The following MRAS variants were observed in gnomAD, a reference collection of about 807,000 sequenced individuals.
MRAS encodes ras-related protein M-Ras.
A neutral mutation model predicts 20.9 loss-of-function variants in MRAS; 4 were observed. The ratio of observed to expected loss-of-function variants is 0.19; its 90% CI spans 0.09 to 0.44. The LOEUF is 0.44. Among genes scored for constraint, MRAS ranks in the 20% least tolerant of loss-of-function variants. MRAS has a pLI of 0.99. For missense variants in MRAS, 154 were observed against 277.5 expected (o/e 0.56, Z 3.16); for synonymous variants, 98 against 102.9 (o/e 0.95, Z 0.29).
chr3:138,355,022 C>T (rs573808803), intron 1 of MRAS, among the ~76,000 whole-genome samples: 6 of 152,180 alleles, frequency 3.9e-5, no homozygotes, highest in East Asian at 3.9e-4. Context: ...TGGTGTCAAG[C>T]GATCCTCCCA....
At chr3:138,361,421 C>T (rs1360448801) in intron 1 of MRAS, among the ~76,000 whole-genome samples, 2 of 152,106 alleles carry the variant, frequency 1.3e-5, no homozygotes, top group East Asian at 1.9e-4. Flanking sequence ...TTGCTCAGGC[C>T]GGGGGCAGAC....
chr3:138,399,398 C>T (rs1483666280), intron 4 of MRAS, among the ~76,000 whole-genome samples: 1 of 152,166 alleles, frequency 6.6e-6, no homozygotes, highest in Non-Finnish European at 1.5e-5. Flanking sequence ...GCCTTTTGTG[C>T]TCTGCGCTTT....
chr3:138,355,308 G>A (rs1290850998), intron 1 of MRAS, among the ~76,000 whole-genome samples: 1 of 152,158 alleles, frequency 6.6e-6, no homozygotes, highest in Non-Finnish European at 1.5e-5. Context: ...ACGACAGGAC[G>A]CAGCTTCTCA....
At chr3:138,397,225 A>G in intron 2 of MRAS, 99 bp from the exon 3 acceptor site, 1 of 1,435,372 alleles carries the variant, frequency 7.0e-7, no homozygotes, top group Non-Finnish European at 9.5e-7. Context: ...GGACTGGGCC[A>G]CGGTAGGGAC....
Position 138,403,036 on chromosome 3 carries a change from A to C in MRAS, c.*767A>C, listed in dbSNP as rs986156992. ...GTTGGGGATGCAAATATTAGAAAAC[A>C]GATTGTATTTTGCTGAGGGGAGTGG... On this transcript the variant is annotated 3_prime_UTR_variant, in exon 6 of 6. Coordinates refer to ENST00000423968, the MANE Select transcript of MRAS (RefSeq NM_001085049.3). 2 of 152,326 alleles carry C rather than the reference A, an allele frequency of 1.3e-5. No homozygotes were observed. Among genetic ancestry groups the C allele is most frequent in the Non-Finnish European group, 2.9e-5 (2 of 68,048 alleles). 9.4% of individuals were successfully genotyped at this position (152,326 alleles called of 1,614,324 possible). A position where few individuals can be genotyped will look rare whatever the true frequency, so the allele number is the denominator to read the frequency against.
chr3:138,353,500 CATT>C (rs1366862479), intron 1 of MRAS, among the ~76,000 whole-genome samples: 1 of 152,200 alleles, frequency 6.6e-6, no homozygotes, highest in Admixed American at 6.5e-5. Flanking sequence ...CGGATTCTCT[CATT>C]GTTGGGAAGT....
At chr3:138,358,025 G>C (rs998781018) in intron 1 of MRAS, among the ~76,000 whole-genome samples, 1 of 152,206 alleles carries the variant, frequency 6.6e-6, no homozygotes, top group Non-Finnish European at 1.5e-5. Context: ...AGACTAGGCT[G>C]TGGGCTGCCC....
chr3:138,365,722 G>C (rs950777496), intron 1 of MRAS, among the ~76,000 whole-genome samples: 2 of 152,218 alleles, frequency 1.3e-5, no homozygotes, highest in Non-Finnish European at 2.9e-5. Flanking sequence ...AAAGGTAGTA[G>C]TTAGATCTGG....
rs746323198 is a variant in MRAS at position 138,372,856 on chromosome 3, G to T, written c.-18-10G>T. 3 of 1,495,550 alleles carry T rather than the reference G, an allele frequency of 2.0e-6. No individual in the cohort carries two copies. Among genetic ancestry groups the T allele is most frequent in the Non-Finnish European group, 1.8e-6 (2 of 1,130,118 alleles). The allele number at this position is 1,495,550 out of a possible 1,614,324, so 92.6% of individuals were successfully genotyped here. On this transcript the variant is annotated splice_polypyrimidine_tract_variant and intron_variant, in intron 1 of 5. Coordinates refer to ENST00000423968, the MANE Select transcript of MRAS (RefSeq NM_001085049.3). ...CCCTCTGTCTCATTCCACATGTCTT[G>T]CTGCCGCAGGTCTGACCTACGAGAA...
chr3:138,363,544 T>A (rs2054494573), intron 1 of MRAS, among the ~76,000 whole-genome samples: 1 of 152,148 alleles, frequency 6.6e-6, no homozygotes, highest in Non-Finnish European at 1.5e-5. Flanking sequence ...ATACACACTG[T>A]GAGCCCCACA....
chr3:138,360,153 C>T (rs575046074), intron 1 of MRAS, among the ~76,000 whole-genome samples: 55 of 152,330 alleles, frequency 3.6e-4, no homozygotes, highest in African/African-American at 1.3e-3. Flanking sequence ...GGCACGTGCA[C>T]GTGACTTTGG....
At chr3:138,388,516 T>G (rs1051905713) in intron 2 of MRAS, among the ~76,000 whole-genome samples, 1 of 152,050 alleles carries the variant, frequency 6.6e-6, no homozygotes, top group African/African-American at 2.4e-5. Flanking sequence ...CTGGCTAATA[T>G]GGCAAAACCC....
intron 1 of MRAS, among the ~76,000 whole-genome samples, chr3:138,366,740 G>C (rs371828560): frequency 1.6e-3 from 245 of 152,368 alleles, no homozygotes; most frequent in Middle Eastern, 0.01. Context: ...CATCTAACCA[G>C]TCCACAGCAG....
intron 1 of MRAS, among the ~76,000 whole-genome samples, chr3:138,361,024 T>A (rs1315964633): frequency 6.6e-6 from 1 of 152,190 alleles, no homozygotes; most frequent in Non-Finnish European, 1.5e-5. Flanking sequence ...TGCCTCTTGG[T>A]GAAGCGTCTT....
intron 2 of MRAS, among the ~76,000 whole-genome samples, chr3:138,396,765 A>G (rs1399768270): frequency 1.3e-5 from 2 of 152,054 alleles, no homozygotes; most frequent in African/African-American, 4.8e-5. Flanking sequence ...TCTCCTTGGT[A>G]TCTGTCCCCT....
rs986642107 is a variant in MRAS at position 138,358,276 on chromosome 3, G to A, written c.-19+9509G>A. ...CGCTTGAATCCAGGAGGCAGAGTCT[G>A]CACTGAGCCAAGATTGTGCCATTGC... is the stretch of plus-strand genomic sequence containing the variant. On this transcript the variant is annotated intron_variant, in intron 1 of 5. Coordinates refer to ENST00000423968, the MANE Select transcript of MRAS (RefSeq NM_001085049.3). Among the ~76,000 whole-genome samples the A allele has an allele frequency of 6.6e-5, 10 of 151,748 alleles. No individual in the cohort carries two copies. The East Asian group carries it at 9.7e-4, about 15-fold the overall frequency.
chr3:138,370,915 G>A (rs960972275), intron 1 of MRAS, among the ~76,000 whole-genome samples: 49 of 152,132 alleles, frequency 3.2e-4, no homozygotes, highest in Non-Finnish European at 3.5e-4. Flanking sequence ...TTTGCAGCCT[G>A]TCTTTTTTTC....
intron 1 of MRAS, among the ~76,000 whole-genome samples, chr3:138,357,864 C>T (rs949952333): frequency 3.3e-5 from 5 of 152,204 alleles, no homozygotes; most frequent in African/African-American, 4.8e-5. Context: ...CTTGCTCACA[C>T]CCTTGGAGAA....
intron 2 of MRAS, among the ~76,000 whole-genome samples, chr3:138,395,041 A>C (rs114746191): frequency 0.01 from 1,535 of 150,648 alleles, 24 homozygotes; most frequent in African/African-American, 0.036. Flanking sequence ...TTTCTTTTTT[A>C]TTTTTTATTT....
Sources: gnomAD v4.1 joint callset for allele counts (sites outside exome capture counted in the v4.1 genomes callset) on GRCh38, gnomAD v4.1.1 for gene constraint, MANE v1.5 for transcripts, NCBI Gene and HGNC (gene_info 2026-07-23, HGNC 2026-07-21) for gene names.